The following KDM4C variants were observed in gnomAD, a reference collection of about 807,000 sequenced individuals.
KDM4C encodes the protein lysine-specific demethylase 4C.
In KDM4C, 81 loss-of-function variants were observed where a neutral mutation model predicts 129.3. That is an observed-to-expected ratio of 0.63 (90% CI 0.52 to 0.75). The LOEUF (loss-of-function observed/expected upper bound fraction) is 0.75, where lower values mean the gene tolerates loss of function less well. Among genes scored for constraint, KDM4C ranks in the 30% least tolerant of loss-of-function variants. The pLI, the probability that KDM4C is intolerant of heterozygous loss-of-function variation, is 0.00. For missense variants in KDM4C, 1,457 were observed against 1,304.0 expected, an observed-to-expected ratio of 1.12 and a Z score of -1.81; for synonymous variants, 573 against 456.1, an observed-to-expected ratio of 1.26 and a Z score of -3.26.
At chr9:7,076,318 A>G in intron 17 of KDM4C, 1 of 705,496 alleles carries the variant, frequency 1.4e-6, no homozygotes, top group Non-Finnish European at 2.5e-6. Context: ...TACATATGGG[A>G]AGTGTCTGAG....
chr9:6,835,425 GAAGAT>G, intron 4 of KDM4C: 1 of 1,167,122 alleles, frequency 8.6e-7, no homozygotes, highest in Non-Finnish European at 1.3e-6. Flanking sequence ...CCAGCACGAT[GAAGAT>G]CAAGATCATT....
intron 17 of KDM4C, among the ~76,000 whole-genome samples, chr9:7,068,296 C>T (rs1353235741): frequency 6.6e-6 from 1 of 152,116 alleles, no homozygotes; most frequent in African/African-American, 2.4e-5. Context: ...ACTATAAACC[C>T]ACTAGCATCA....
intron 4 of KDM4C, among the ~76,000 whole-genome samples, chr9:6,844,387 C>G (rs1472411961): frequency 6.6e-6 from 1 of 152,166 alleles, no homozygotes; most frequent in African/African-American, 2.4e-5. Flanking sequence ...AAGTGCATCT[C>G]TGATGTGGTC....
chr9:6,981,444 T>G (rs1816749215), intron 9 of KDM4C, among the ~76,000 whole-genome samples: 1 of 152,250 alleles, frequency 6.6e-6, no homozygotes, highest in Non-Finnish European at 1.5e-5. Context: ...AATCAATAAC[T>G]TGATTTTCCA....
At chr9:6,771,785 C>T (rs1821898631) in intron 1 of KDM4C, among the ~76,000 whole-genome samples, 1 of 152,180 alleles carries the variant, frequency 6.6e-6, no homozygotes, top group Non-Finnish European at 1.5e-5. Context: ...AGGGGCAGTA[C>T]AGTCCAGTAT....
At chr9:7,039,029 T>G (rs1828117773) in intron 15 of KDM4C, among the ~76,000 whole-genome samples, 1 of 152,012 alleles carries the variant, frequency 6.6e-6, no homozygotes. Context: ...TTATTCTTTA[T>G]GATTTTTAAA....
intron 11 of KDM4C, among the ~76,000 whole-genome samples, chr9:6,988,880 C>T (rs189134156): frequency 1.7e-4 from 26 of 152,136 alleles, no homozygotes; most frequent in Admixed American, 1.4e-3. Context: ...TAAAACTGCC[C>T]CCTCCCCATC....
At chr9:6,861,332 G>C (rs112552287) in intron 5 of KDM4C, among the ~76,000 whole-genome samples, 38 of 152,280 alleles carry the variant, frequency 2.5e-4, no homozygotes, top group African/African-American at 9.1e-4. Context: ...ATCACAACTT[G>C]TATGTCATAG....
chr9:7,077,044 G>T, intron 17 of KDM4C: 3 of 985,466 alleles, frequency 3.0e-6, no homozygotes, highest in Non-Finnish European at 3.6e-6. Context: ...CAAAGCAACT[G>T]AACGTATTTT....
chr9:6,880,050 G>T lies in KDM4C; in HGVS notation c.668G>T (p.Arg223Ile). 6.3e-7 allele frequency: 1 copy of T among 1,599,208 alleles called. No homozygotes were observed. Among genetic ancestry groups the T allele is most frequent in the South Asian group, 1.1e-5 (1 of 89,306 alleles). ...IPPEHGKRLE[R>I]LAQGFFPSSS... ...CCGGAGCATGGAAAACGACTTGAAA[G>T]ACTAGCTCAAGGTAAAACTTGCTTT... The change falls in exon 6 of 22, where the codon AGA (arginine) becomes ATA (isoleucine). Residue 223 changes from arginine to isoleucine, a missense_variant. Transcript: ENST00000381309.
At chr9:6,741,780 C>T (rs986055402) in intron 1 of KDM4C, among the ~76,000 whole-genome samples, 1 of 146,080 alleles carries the variant, frequency 6.8e-6, no homozygotes, top group African/African-American at 2.5e-5. Context: ...GTTTCCCAGG[C>T]TGATTTTGAA....
At chr9:6,880,250 T>C (rs1349394785) in intron 6 of KDM4C, among the ~76,000 whole-genome samples, 189 bp downstream of exon 6, 1 of 152,208 alleles carries the variant, frequency 6.6e-6, no homozygotes, top group Admixed American at 6.5e-5. Flanking sequence ...TTTGTGAATA[T>C]TATTTTTTCC....
At chr9:7,153,686 T>TA (rs1333574423) in intron 19 of KDM4C, among the ~76,000 whole-genome samples, 1 of 152,178 alleles carries the variant, frequency 6.6e-6, no homozygotes, top group East Asian at 1.9e-4. Flanking sequence ...AGCGGTTACT[T>TA]ATCAGGGTTG....
intron 1 of KDM4C, among the ~76,000 whole-genome samples, chr9:6,746,158 C>T (rs1367995584): frequency 6.6e-6 from 1 of 151,350 alleles, no homozygotes; most frequent in Non-Finnish European, 1.5e-5. Context: ...CCAGGCTGGT[C>T]TCACACTCCT....
chr9:7,108,489 G>A (rs559821708), intron 18 of KDM4C, among the ~76,000 whole-genome samples: 2 of 152,234 alleles, frequency 1.3e-5, no homozygotes, highest in South Asian at 4.1e-4. Flanking sequence ...CAACTGCCTT[G>A]GCCTCCCAAA....
At chr9:6,783,046 G>A (rs72699657) in intron 1 of KDM4C, among the ~76,000 whole-genome samples, 5 of 152,116 alleles carry the variant, frequency 3.3e-5, no homozygotes, top group African/African-American at 9.7e-5. Flanking sequence ...GATGTTGGCC[G>A]TGCAGTAGAG....
chr9:6,922,384 T>C (rs1821694299), intron 8 of KDM4C, among the ~76,000 whole-genome samples: 1 of 150,808 alleles, frequency 6.6e-6, no homozygotes, highest in South Asian at 2.1e-4. Context: ...GGTTTCTGAT[T>C]ACATTTACTG....
intron 15 of KDM4C, among the ~76,000 whole-genome samples, chr9:7,029,356 A>T (rs1826351516): frequency 6.6e-6 from 1 of 151,012 alleles, no homozygotes; most frequent in African/African-American, 2.4e-5. Flanking sequence ...TGTGAAATAC[A>T]TCAACACTAC....
intron 8 of KDM4C, among the ~76,000 whole-genome samples, chr9:6,895,283 C>T (rs1816217405): frequency 6.6e-6 from 1 of 152,204 alleles, no homozygotes; most frequent in Non-Finnish European, 1.5e-5. Flanking sequence ...GATTGCATTT[C>T]TTACTGAGAC....
Sources: allele counts gnomAD v4.1 joint callset (sites outside exome capture counted in the v4.1 genomes callset), GRCh38; gene constraint gnomAD v4.1.1; transcripts MANE v1.5; gene names NCBI Gene and HGNC (gene_info 2026-07-23, HGNC 2026-07-21).